Variants in SMAD2 observed in about 807,000 individuals in gnomAD.
SMAD2 encodes the protein MAD homolog 2.
In SMAD2, 8 loss-of-function variants were observed where a neutral mutation model predicts 64.4. That is an observed-to-expected ratio of 0.12 (90% confidence interval 0.07 to 0.22). The LOEUF (loss-of-function observed/expected upper bound fraction) is 0.22, where lower values mean the gene tolerates loss of function less well. SMAD2 is among the 10% of genes least tolerant of loss of function. The probability of loss-of-function intolerance (pLI) is 1.00; values close to 1 mark genes in which losing one functional copy is unlikely to be tolerated. For missense variants in SMAD2, 289 were observed against 561.2 expected (o/e 0.51, Z 4.90); for synonymous variants, 203 against 195.8 (o/e 1.04, Z -0.31).
At chr18:47,903,369 G>C (rs993242204) in intron 1 of SMAD2, among the ~76,000 whole-genome samples, 1 of 151,132 alleles carries the variant, frequency 6.6e-6, no homozygotes, top group African/African-American at 2.4e-5. Context: ...AGAGAAAGAG[G>C]GGGTGGGGGG....
chr18:47,845,518 A>G, intron 9 of SMAD2, 34 bp from the exon 10 acceptor site: 1 of 1,603,548 alleles, frequency 6.2e-7, no homozygotes, highest in Non-Finnish European at 8.5e-7. Context: ...AATTGTCAAA[A>G]GAGTATCATT....
rs1491457689 is a variant in SMAD2, at chr18:47,820,894, T to TACACACACACAC, written c.*20932_*20933insGTGTGTGTGTGT. On this transcript the variant is annotated 3_prime_UTR_variant, in exon 11 of 11. Transcript: ENST00000262160. Reference sequence around the variant, plus strand: ...GATAGTGTAAATGCTATACATGCACTATACACACACACACACACACACACA... The same window carrying TACACACACACAC: ...GATAGTGTAAATGCTATACATGCACTACACACACACACATACACACACACACACACACACACA... The TACACACACACAC allele has an allele frequency of 1.2e-4, 12 of 103,032 alleles. No homozygotes were observed. Among genetic ancestry groups the TACACACACACAC allele is most frequent in the African/African-American group, 4.5e-4 (11 of 24,346 alleles). 6.4% of individuals were successfully genotyped at this position (103,032 alleles called of 1,614,324 possible).
intron 2 of SMAD2, among the ~76,000 whole-genome samples, chr18:47,885,180 CACA>C (rs2032831173): frequency 1.4e-5 from 2 of 140,046 alleles, no homozygotes; most frequent in Non-Finnish European, 3.1e-5. Context: ...CACACACACA[CACA>C]TATACCCTCC....
At chr18:47,871,682 C>A (rs894809410) in intron 2 of SMAD2, among the ~76,000 whole-genome samples, 1 of 152,164 alleles carries the variant, frequency 6.6e-6, no homozygotes, top group Non-Finnish European at 1.5e-5. Flanking sequence ...CTTTTTCAGG[C>A]TGCAAAATTT....
chr18:47,886,983 G>GT (rs2032948482), intron 2 of SMAD2: 2 of 150,404 alleles, frequency 1.3e-5, no homozygotes, highest in Admixed American at 6.6e-5. Flanking sequence ...GTAGACACAC[G>GT]TAACATCCCT....
chr18:47,857,864 A>C (rs2030851458), intron 6 of SMAD2, among the ~76,000 whole-genome samples: 1 of 152,248 alleles, frequency 6.6e-6, no homozygotes, highest in Non-Finnish European at 1.5e-5. Context: ...AGTCCTGGGC[A>C]AGGCTGGAAA....
chr18:47,919,799 C>T (rs1410854370), intron 1 of SMAD2, among the ~76,000 whole-genome samples: 1 of 152,072 alleles, frequency 6.6e-6, no homozygotes, highest in Non-Finnish European at 1.5e-5. Context: ...CACTCTTTAC[C>T]AATATCTCAG....
intron 2 of SMAD2, 26 bp downstream of exon 2, chr18:47,896,495 C>A: frequency 1.2e-6 from 2 of 1,612,474 alleles, no homozygotes; most frequent in South Asian, 2.2e-5. Context: ...ATAATTTGAT[C>A]AAACCTGGGA....
chr18:47,906,053 T>C (rs1374476406), intron 1 of SMAD2, among the ~76,000 whole-genome samples: 1 of 151,012 alleles, frequency 6.6e-6, no homozygotes, highest in East Asian at 1.9e-4. Flanking sequence ...GTGCGGAGGC[T>C]GCAGTGAGCC....
At position 47,824,344 on chromosome 18, in the gene SMAD2, A is replaced by G. The variant is rs930735453; in HGVS notation, c.*17483T>C. The G allele has an allele frequency of 6.6e-6, 1 of 152,248 alleles. No homozygotes were observed. The highest frequency in any genetic ancestry group is 2.4e-5 in the African/African-American group (1 of 41,458). The allele number at this position is 152,248 out of a possible 1,614,324, so 9.4% of individuals were successfully genotyped here. A position where few individuals can be genotyped will look rare whatever the true frequency, so the allele number is the denominator to read the frequency against. On this transcript the variant is annotated 3_prime_UTR_variant, in exon 11 of 11. Transcript: ENST00000262160. ...ACAAACACTATTCGCAACCTTACACAGAAAATACTTTTGGGACATCTGCCT... is the reference window on the plus strand; with the variant it reads ...ACAAACACTATTCGCAACCTTACACGGAAAATACTTTTGGGACATCTGCCT...
intron 6 of SMAD2, among the ~76,000 whole-genome samples, chr18:47,861,188 T>C (rs1190962906): frequency 1.3e-5 from 2 of 152,110 alleles, no homozygotes; most frequent in Non-Finnish European, 2.9e-5. Flanking sequence ...AAACTCCGTC[T>C]CTACTAAAAT....
chr18:47,883,533 CTA>C (rs1418803007), intron 2 of SMAD2, among the ~76,000 whole-genome samples: 3 of 152,172 alleles, frequency 2.0e-5, no homozygotes, highest in African/African-American at 7.2e-5. Flanking sequence ...CTTAAAACTT[CTA>C]TGTCTTTACT....
At chr18:47,866,449 G>C (rs1368974529) in intron 5 of SMAD2, among the ~76,000 whole-genome samples, 1 of 150,414 alleles carries the variant, frequency 6.6e-6, no homozygotes, top group East Asian at 2.0e-4. Context: ...TTAAGTGTCA[G>C]TACCCCCAAA....
chr18:47,927,317 G>A (rs2034805351), intron 1 of SMAD2, among the ~76,000 whole-genome samples: 1 of 85,858 alleles, frequency 1.2e-5, no homozygotes, highest in African/African-American at 7.0e-5. Context: ...CAGTGACACT[G>A]AGTAACACTT....
chr18:47,891,549 T>A (rs1346887418), intron 2 of SMAD2, among the ~76,000 whole-genome samples: 1 of 151,410 alleles, frequency 6.6e-6, no homozygotes, highest in African/African-American at 2.4e-5. Context: ...AGACTCTCAC[T>A]ATGTTGCCCG....
intron 6 of SMAD2, 43 bp from the exon 7 acceptor site, chr18:47,851,370 C>G: frequency 7.5e-7 from 1 of 1,325,256 alleles, no homozygotes; most frequent in Non-Finnish European, 1.1e-6. Flanking sequence ...ATTTCCAGAA[C>G]TTCTGATCAA....
chr18:47,903,002 A>G (rs1262408986), intron 1 of SMAD2, among the ~76,000 whole-genome samples: 1 of 152,190 alleles, frequency 6.6e-6, no homozygotes, highest in African/African-American at 2.4e-5. Flanking sequence ...AAGTACTTGC[A>G]AAAAGTATGT....
Position 47,822,877 on chromosome 18 carries a change from G to A in SMAD2, c.*18950C>T, listed in dbSNP as rs1912622972. ...TTTTTTAGTAGAGACGGTGGCCGGG[G>A]GGAGGTTTCACTATGTTGGCCAGGC... On this transcript the variant is annotated 3_prime_UTR_variant, in exon 11 of 11. Coordinates refer to ENST00000262160, the MANE Select transcript of SMAD2 (RefSeq NM_005901.6). 1 of 152,112 alleles carries A rather than the reference G, an allele frequency of 6.6e-6. No individual in the cohort carries two copies. Among genetic ancestry groups the A allele is most frequent in the Admixed American group, 6.6e-5 (1 of 15,262 alleles). The allele number at this position is 152,112 out of a possible 1,614,324, so 9.4% of individuals were successfully genotyped here.
intron 1 of SMAD2, among the ~76,000 whole-genome samples, chr18:47,919,487 C>T (rs1287782479): frequency 7.9e-6 from 1 of 127,054 alleles, no homozygotes; most frequent in Admixed American, 1.1e-4. Context: ...CACACACACA[C>T]ACACACACAC....
Sources: gnomAD v4.1 joint callset for allele counts (sites outside exome capture counted in the v4.1 genomes callset) on GRCh38, gnomAD v4.1.1 for gene constraint, MANE v1.5 for transcripts, NCBI Gene and HGNC (gene_info 2026-07-23, HGNC 2026-07-21) for gene names.